FOXP2: variants seen among roughly 807,000 people sequenced by gnomAD.
FOXP2 encodes forkhead box P2.
FOXP2 carries 12 observed loss-of-function variants against 115.8 expected under a neutral mutation model. The ratio of observed to expected loss-of-function variants is 0.10; its 90% CI spans 0.07 to 0.17. FOXP2 has a LOEUF of 0.17. FOXP2 is among the 10% of genes least tolerant of loss of function. The pLI, the probability that FOXP2 is intolerant of heterozygous loss-of-function variation, is 1.00. For synonymous variants in FOXP2, 328 were observed against 297.7 expected, an observed-to-expected ratio of 1.10 and a Z score of -1.05; for missense variants, 629 against 843.5, an observed-to-expected ratio of 0.75 and a Z score of 3.15.
chr7:114,402,728 G>A (rs1198877882), intron 2 of FOXP2, among the ~76,000 whole-genome samples: 1 of 151,698 alleles, frequency 6.6e-6, no homozygotes, highest in African/African-American at 2.4e-5. Context: ...CTGGGCTCAA[G>A]CAATCCTCCC....
Position 114,654,019 on chromosome 7 carries a change from T to G in FOXP2, c.1266+10T>G, listed in dbSNP as rs1387546823. On this transcript the variant is annotated intron_variant, in intron 10 of 16. Coordinates refer to ENST00000350908, the MANE Select transcript of FOXP2 (RefSeq NM_014491.4). ...ACCATCTCCCAAACCTGTAAGTGCA[T>G]ATTGCTTTATAAACAGTAAATAGCT... 4 of 1,613,212 alleles carry G rather than the reference T, an allele frequency of 2.5e-6. No homozygotes were observed. The highest frequency in any genetic ancestry group is 3.4e-6 in the Non-Finnish European group (4 of 1,179,332).
chr7:114,457,667 G>A (rs1359883263), intron 2 of FOXP2, among the ~76,000 whole-genome samples: 1 of 152,144 alleles, frequency 6.6e-6, no homozygotes, highest in Non-Finnish European at 1.5e-5. Context: ...CGGAGGCCAA[G>A]GCGGGCAGAT....
chr7:114,644,882 T>A (rs1805789825), intron 8 of FOXP2, 93 bp downstream of exon 8: 2 of 930,794 alleles, frequency 2.1e-6, no homozygotes, highest in Non-Finnish European at 3.4e-6. Flanking sequence ...GAAGGAGGAA[T>A]GTAAAAGTCC....
chr7:114,608,723 A>C (rs975235039), intron 3 of FOXP2, among the ~76,000 whole-genome samples: 2 of 152,348 alleles, frequency 1.3e-5, no homozygotes, highest in South Asian at 4.1e-4. Flanking sequence ...ACTTGCAAAA[A>C]TGTGGAAGAA....
intron 2 of FOXP2, among the ~76,000 whole-genome samples, chr7:114,470,247 C>T (rs558252545): frequency 6.6e-6 from 1 of 152,154 alleles, no homozygotes; most frequent in African/African-American, 2.4e-5. Context: ...TGTTATACCA[C>T]AGGATCTTTG....
intron 16 of FOXP2, among the ~76,000 whole-genome samples, chr7:114,671,339 A>G (rs1222492756): frequency 6.6e-6 from 1 of 152,138 alleles, no homozygotes. Flanking sequence ...CTTTAGCTAA[A>G]AAGTGTTATA....
intron 3 of FOXP2, among the ~76,000 whole-genome samples, chr7:114,549,348 C>T (rs1800089657): frequency 6.6e-6 from 1 of 152,098 alleles, no homozygotes; most frequent in African/African-American, 2.4e-5. Context: ...TCTTTTTTCC[C>T]CCACTCTTTT....
At chr7:114,680,060 C>A (rs2129349756) in intron 16 of FOXP2, among the ~76,000 whole-genome samples, 1 of 152,272 alleles carries the variant, frequency 6.6e-6, no homozygotes, top group East Asian at 1.9e-4. Context: ...CAGTTACTGA[C>A]TTTGTACCTC....
chr7:114,475,725 C>T (rs1240176545), intron 2 of FOXP2, among the ~76,000 whole-genome samples: 1 of 151,952 alleles, frequency 6.6e-6, no homozygotes, highest in Non-Finnish European at 1.5e-5. Flanking sequence ...TAATCAAAAA[C>T]ATCTCTTATG....
intron 3 of FOXP2, 135 bp from the exon 4 acceptor site, chr7:114,628,405 A>G: frequency 1.7e-6 from 2 of 1,164,464 alleles, no homozygotes; most frequent in Non-Finnish European, 2.5e-6. Context: ...AAGAAGTTAT[A>G]GTAAAATGTG....
At chr7:114,279,640 T>C (rs1275383675) in intron 1 of FOXP2, among the ~76,000 whole-genome samples, 2 of 152,136 alleles carry the variant, frequency 1.3e-5, no homozygotes, top group Non-Finnish European at 2.9e-5. Context: ...ACTTGATCAC[T>C]TTGTTATTTT....
In FOXP2 at chr7:114,690,682, T is replaced by C. The variant is rs1464677640; in HGVS notation, c.*756T>C. On this transcript the variant is annotated 3_prime_UTR_variant, in exon 17 of 17. Coordinates refer to ENST00000350908, the MANE Select transcript of FOXP2 (RefSeq NM_014491.4). ...CATATCTGCATAGATCTTACAACTG[T>C]ACTCTTTACCTCCTTGTGATAAAGC... 1 of 454,484 alleles carries C rather than the reference T, an allele frequency of 2.2e-6. No homozygotes were observed. Among genetic ancestry groups the C allele is most frequent in the Non-Finnish European group, 4.4e-6 (1 of 226,768 alleles). The allele number at this position is 454,484 out of a possible 1,614,324, so 28.2% of individuals were successfully genotyped here.
chr7:114,408,265 C>T (rs1326803464), intron 2 of FOXP2, among the ~76,000 whole-genome samples: 2 of 151,934 alleles, frequency 1.3e-5, no homozygotes, highest in East Asian at 1.9e-4. Context: ...AAACTTTAGG[C>T]CTTATTTTTT....
chr7:114,297,525 A>AT (rs897994378), intron 2 of FOXP2: 4 of 258,318 alleles, frequency 1.5e-5, no homozygotes, highest in Middle Eastern at 1.3e-3. Context: ...ACTATTAACT[A>AT]TTTTTTATAA....
At chr7:114,226,026 G>A (rs1249964548) in intron 1 of FOXP2, among the ~76,000 whole-genome samples, 1 of 152,094 alleles carries the variant, frequency 6.6e-6, no homozygotes, top group African/African-American at 2.4e-5. Flanking sequence ...TCACACAGGT[G>A]GTTGTCATAG....
At chr7:114,579,077 C>G (rs17137131) in intron 3 of FOXP2, among the ~76,000 whole-genome samples, 2 of 151,894 alleles carry the variant, frequency 1.3e-5, no homozygotes, top group East Asian at 3.9e-4. Flanking sequence ...TAGAAAGGAC[C>G]AAAATCTGAG....
At chr7:114,170,819 A>G (rs1277178856) in intron 1 of FOXP2, among the ~76,000 whole-genome samples, 1 of 152,262 alleles carries the variant, frequency 6.6e-6, no homozygotes, top group African/African-American at 2.4e-5. Flanking sequence ...AGCCAACTTC[A>G]TAAAGTTTGA....
intron 3 of FOXP2, chr7:114,570,712 C>CA: frequency 1.0e-6 from 1 of 955,148 alleles, no homozygotes. Context: ...ATAATAATTC[C>CA]AAAAAATGAT....
chr7:114,248,051 T>A (rs1584575691), intron 1 of FOXP2, among the ~76,000 whole-genome samples: 1 of 152,060 alleles, frequency 6.6e-6, no homozygotes, highest in South Asian at 2.1e-4. Flanking sequence ...GATCTGTTGA[T>A]GGTGTCATGC....
Sources: gnomAD v4.1 joint callset for allele counts (sites outside exome capture counted in the v4.1 genomes callset) on GRCh38, gnomAD v4.1.1 for gene constraint, MANE v1.5 for transcripts, NCBI Gene and HGNC (gene_info 2026-07-23, HGNC 2026-07-21) for gene names.